The following FRMD4A variants were observed in gnomAD, a reference collection of about 807,000 sequenced individuals.
FRMD4A encodes FERM domain-containing protein 4A.
Under a neutral mutation model 129.1 loss-of-function variants are expected in FRMD4A, and 29 were observed. The ratio of observed to expected loss-of-function variants is 0.22; its 90% CI spans 0.17 to 0.31. FRMD4A has a LOEUF of 0.31. FRMD4A is among the 10% of genes least tolerant of loss of function. The pLI, the probability that FRMD4A is intolerant of heterozygous loss-of-function variation, is 1.00. For missense variants in FRMD4A, 1,272 were observed against 1,375.8 expected (o/e 0.92, Z 1.19); for synonymous variants, 634 against 571.6 (o/e 1.11, Z -1.56).
chr10:14,211,968 G>A (rs986838509), intron 2 of FRMD4A, among the ~76,000 whole-genome samples: 1 of 152,212 alleles, frequency 6.6e-6, no homozygotes, highest in Non-Finnish European at 1.5e-5. Flanking sequence ...CTGTGATGGA[G>A]ACCTGTGTGG....
intron 2 of FRMD4A, among the ~76,000 whole-genome samples, chr10:14,127,986 C>CTT (rs1838980957): frequency 1.7e-5 from 2 of 117,036 alleles, no homozygotes; most frequent in Admixed American, 9.1e-5. Flanking sequence ...TTCCTTCTCT[C>CTT]TCTCTCTCTC....
chr10:13,908,243 T>A (rs550508148), intron 2 of FRMD4A, among the ~76,000 whole-genome samples: 2 of 151,512 alleles, frequency 1.3e-5, no homozygotes, highest in South Asian at 4.2e-4. Context: ...TTAAACACTT[T>A]ATCTTCTTTG....
At chr10:14,209,752 G>A (rs1589169855) in intron 2 of FRMD4A, among the ~76,000 whole-genome samples, 1 of 151,824 alleles carries the variant, frequency 6.6e-6, no homozygotes. Flanking sequence ...TGGACATGGT[G>A]GTGCATGCCT....
At chr10:13,651,720 A>G in intron 24 of FRMD4A, 183 bp downstream of exon 24, 1 of 607,914 alleles carries the variant, frequency 1.6e-6, no homozygotes, top group South Asian at 2.0e-5. Context: ...AGTGTTAGGA[A>G]TATCATAATT....
At chr10:13,826,629 A>G (rs2093705037) in intron 3 of FRMD4A, among the ~76,000 whole-genome samples, 1 of 151,954 alleles carries the variant, frequency 6.6e-6, no homozygotes, top group African/African-American at 2.4e-5. Context: ...CTAAAGCGTT[A>G]CCTCCCCATG....
intron 2 of FRMD4A, among the ~76,000 whole-genome samples, chr10:14,034,189 T>C (rs1369191624): frequency 6.6e-6 from 1 of 152,196 alleles, no homozygotes; most frequent in Non-Finnish European, 1.5e-5. Flanking sequence ...ACCCTGCCTT[T>C]CCCTAGATGT....
At chr10:13,672,674 C>T (rs1468933932) in intron 16 of FRMD4A, among the ~76,000 whole-genome samples, 3 of 152,070 alleles carry the variant, frequency 2.0e-5, no homozygotes, top group Non-Finnish European at 2.9e-5. Flanking sequence ...AGTGGGGCCT[C>T]GGCTTGGTGC....
chr10:13,655,089 C>A (rs954854058), intron 22 of FRMD4A: 3 of 152,938 alleles, frequency 2.0e-5, no homozygotes, highest in African/African-American at 7.2e-5. Flanking sequence ...TCATCCAAAC[C>A]TGACCACTAC....
Position 14,008,008 on chromosome 10 carries a change from T to G in FRMD4A, c.46-149096A>C, listed in dbSNP as rs1483403891. On this transcript the variant is annotated intron_variant, in intron 2 of 24. Transcript: ENST00000357447. ...ACGCGGTATACAATGAAAACAAACA[T>G]CTTCCTGTCTTTGGAGCAACTGAGA... 3.1e-6 allele frequency: 4 copies of G among 1,287,684 alleles called. No individual in the cohort carries two copies. In the Admixed American group the frequency reaches 9.2e-5, roughly 30 times the overall value. The allele number at this position is 1,287,684 out of a possible 1,614,324, so 79.8% of individuals were successfully genotyped here. A position where few individuals can be genotyped will look rare whatever the true frequency, so the allele number is the denominator to read the frequency against.
rs2092451704 is a variant in FRMD4A at position 13,771,446 on chromosome 10, C to A, written c.385-8766G>T. ...ACACCCATAAAGCAGAAATTTTAAG[C>A]CTTTTCCTTTATGTCATGATTTGTT... On this transcript the variant is annotated intron_variant, in intron 6 of 24. Coordinates refer to ENST00000357447, the MANE Select transcript of FRMD4A (RefSeq NM_018027.5). Among the ~76,000 whole-genome samples the A allele has an allele frequency of 2.0e-5, 3 of 152,250 alleles. No individual in the cohort carries two copies. The South Asian group carries it at 6.2e-4, about 32-fold the overall frequency.
intron 2 of FRMD4A, among the ~76,000 whole-genome samples, chr10:13,884,126 ACACACG>A (rs1564970136): frequency 0.011 from 641 of 57,350 alleles, 14 homozygotes; most frequent in African/African-American, 0.049. Context: ...ACACACTCAC[ACACACG>A]CTCACACACA....
intron 2 of FRMD4A, among the ~76,000 whole-genome samples, chr10:13,988,221 A>G (rs902900754): frequency 6.6e-6 from 1 of 152,214 alleles, no homozygotes. Context: ...CCATTTGGTC[A>G]TGTAGGAGTT....
Position 14,158,231 on chromosome 10 carries a change from C to T in FRMD4A, c.45+171827G>A, listed in dbSNP as rs546872346. On this transcript the variant is annotated intron_variant, in intron 2 of 24. Transcript: ENST00000357447. ...AGATTTGTGTTTCAGAGTAGCAGCTCTACCAGTAAGAAATTGACTGACTAG... is the reference window on the plus strand; with the variant it reads ...AGATTTGTGTTTCAGAGTAGCAGCTTTACCAGTAAGAAATTGACTGACTAG... Among the ~76,000 whole-genome samples, 12 of 152,282 alleles carry T rather than the reference C, an allele frequency of 7.9e-5. No individual in the cohort carries two copies. The South Asian group carries it at 2.5e-3, about 32-fold the overall frequency.
At chr10:14,218,614 G>A (rs1396582834) in intron 2 of FRMD4A, among the ~76,000 whole-genome samples, 2 of 152,126 alleles carry the variant, frequency 1.3e-5, no homozygotes, top group East Asian at 3.9e-4. Flanking sequence ...GGTACTTTGG[G>A]AGGCCCAGGT....
intron 2 of FRMD4A, among the ~76,000 whole-genome samples, chr10:14,133,386 C>T (rs1378582944): frequency 6.6e-6 from 1 of 152,170 alleles, no homozygotes; most frequent in Non-Finnish European, 1.5e-5. Flanking sequence ...TTTACACCAA[C>T]CTAATAGTCA....
chr10:14,308,068 A>G (rs899513612), intron 2 of FRMD4A, among the ~76,000 whole-genome samples: 3 of 152,246 alleles, frequency 2.0e-5, no homozygotes, highest in Non-Finnish European at 4.4e-5. Context: ...GGGAAACACT[A>G]ATTTTCAGGG....
At chr10:14,328,895 C>T (rs1843396856) in intron 2 of FRMD4A, among the ~76,000 whole-genome samples, 1 of 152,164 alleles carries the variant, frequency 6.6e-6, no homozygotes, top group Non-Finnish European at 1.5e-5. Context: ...TCTCTGGAAA[C>T]TGACAATTTC....
At chr10:14,197,864 A>G (rs1467144896) in intron 2 of FRMD4A, among the ~76,000 whole-genome samples, 3 of 152,158 alleles carry the variant, frequency 2.0e-5, no homozygotes, top group Non-Finnish European at 4.4e-5. Flanking sequence ...AACAAATCCC[A>G]CAGTAATTTC....
intron 2 of FRMD4A, among the ~76,000 whole-genome samples, chr10:13,892,610 G>A (rs1259602266): frequency 6.6e-6 from 1 of 152,040 alleles, no homozygotes; most frequent in Non-Finnish European, 1.5e-5. Context: ...TCAAAACACG[G>A]TGATAAAATA....
Sources: allele counts gnomAD v4.1 joint callset (sites outside exome capture counted in the v4.1 genomes callset), GRCh38; gene constraint gnomAD v4.1.1; transcripts MANE v1.5; gene names NCBI Gene and HGNC (gene_info 2026-07-23, HGNC 2026-07-21).